Variants in LINGO2 observed in about 807,000 individuals in gnomAD.
LINGO2 encodes the protein leucine rich repeat and Ig domain containing 2.
A neutral mutation model predicts 30.6 loss-of-function variants in LINGO2; 14 were observed. That is an observed-to-expected ratio of 0.46 (90% CI 0.30 to 0.72). LINGO2 has a LOEUF of 0.72. LINGO2 is among the 30% of genes least tolerant of loss of function. The probability of loss-of-function intolerance (pLI) is 0.07; values close to 1 mark genes in which losing one functional copy is unlikely to be tolerated. For missense variants in LINGO2, 729 were observed against 751.7 expected, an observed-to-expected ratio of 0.97 and a Z score of 0.35; for synonymous variants, 317 against 288.5, an observed-to-expected ratio of 1.10 and a Z score of -1.00.
In LINGO2 at chr9:28,054,755, CATATT is replaced by C. The variant is rs561579759; in HGVS notation, c.-86-42355_-86-42351del. 1.1e-4 allele frequency among the ~76,000 whole-genome samples: 16 copies of C among 152,026 alleles called. No individual in the cohort carries two copies. In the South Asian group the frequency reaches 1.5e-3, roughly 14 times the overall value. The stretch of plus-strand genomic sequence containing the variant: ...AGCTTATATTGATATCCACAAATAC[CATATT>C]ATAAGTGATCATATTCCAGGCTATA... On this transcript the variant is annotated intron_variant, in intron 4 of 5. Coordinates refer to ENST00000379992, the Ensembl canonical transcript of LINGO2.
intron 2 of LINGO2, among the ~76,000 whole-genome samples, chr9:28,427,962 T>C (rs1341992595): frequency 6.6e-6 from 1 of 152,158 alleles, no homozygotes; most frequent in Non-Finnish European, 1.5e-5. Context: ...ATTCTAGATC[T>C]TATTCTTTAT....
At chr9:28,855,284 G>C in the LINGO2 span, among the ~76,000 whole-genome samples, 1 of 152,012 alleles carries the variant, frequency 6.6e-6, no homozygotes, top group Non-Finnish European at 1.5e-5. Flanking sequence ...CAGTCCTTAG[G>C]ATAGGATTTA....
chr9:28,120,041 C>T (rs1353118654), intron 4 of LINGO2, among the ~76,000 whole-genome samples: 3 of 152,164 alleles, frequency 2.0e-5, no homozygotes, highest in Non-Finnish European at 4.4e-5. Flanking sequence ...ATGAGCTATA[C>T]TTAAATTTCA....
the LINGO2 span, among the ~76,000 whole-genome samples, chr9:28,734,920 A>G: frequency 2.6e-5 from 4 of 152,150 alleles, no homozygotes; most frequent in African/African-American, 9.7e-5. Flanking sequence ...TGTAGAGACT[A>G]TTTCAATCAG....
At chr9:28,611,543 C>T (rs1825915320) in intron 1 of LINGO2, among the ~76,000 whole-genome samples, 2 of 152,114 alleles carry the variant, frequency 1.3e-5, no homozygotes, top group African/African-American at 4.8e-5. Flanking sequence ...CTCTAATTTT[C>T]ACACCCGATC....
the LINGO2 span, among the ~76,000 whole-genome samples, chr9:29,132,586 G>A: frequency 6.6e-6 from 1 of 152,158 alleles, no homozygotes; most frequent in Non-Finnish European, 1.5e-5. Flanking sequence ...CAGCGTTCTT[G>A]TGTCACTTGC....
chr9:29,167,731 C>G, the LINGO2 span, among the ~76,000 whole-genome samples: 2 of 152,130 alleles, frequency 1.3e-5, no homozygotes, highest in Non-Finnish European at 2.9e-5. Context: ...GGTGTCTTAC[C>G]TTGTATCTCA....
At chr9:28,382,601 A>G (rs1357306502) in intron 2 of LINGO2, among the ~76,000 whole-genome samples, 1 of 152,132 alleles carries the variant, frequency 6.6e-6, no homozygotes, top group Non-Finnish European at 1.5e-5. Flanking sequence ...TGCAGTCTGC[A>G]GCTCTTCAAC....
At chr9:28,707,755 T>C in the LINGO2 span, among the ~76,000 whole-genome samples, 1 of 152,148 alleles carries the variant, frequency 6.6e-6, no homozygotes. Context: ...TCAGTATTTA[T>C]TGTCGGGGTG....
chr9:28,393,998 CT>C (rs11326008), intron 2 of LINGO2, among the ~76,000 whole-genome samples: 87,549 of 150,942 alleles, frequency 0.58, 25,720 homozygotes, highest in Non-Finnish European at 0.63. Context: ...GTACTAACCT[CT>C]TTTTTTTTTC....
intron 5 of LINGO2, among the ~76,000 whole-genome samples, chr9:27,967,260 G>A (rs10968234): frequency 0.023 from 3,519 of 152,202 alleles, 139 homozygotes; most frequent in African/African-American, 0.081. Context: ...GACATCGAGG[G>A]ACTTGGGCTT....
At chr9:28,708,944 T>C in the LINGO2 span, among the ~76,000 whole-genome samples, 1 of 152,162 alleles carries the variant, frequency 6.6e-6, no homozygotes, top group Admixed American at 6.6e-5. Flanking sequence ...AAACAATGTA[T>C]CTTTGTCAAA....
chr9:28,932,107 A>AATAATAAAATAAAAT, the LINGO2 span, among the ~76,000 whole-genome samples: 1 of 107,564 alleles, frequency 9.3e-6, no homozygotes, highest in African/African-American at 3.6e-5. Flanking sequence ...ACTCTGACAA[A>AATAATAAAATAAAAT]AAAATAAAAT....
At chr9:28,717,439 G>T in the LINGO2 span, among the ~76,000 whole-genome samples, 1 of 151,930 alleles carries the variant, frequency 6.6e-6, no homozygotes, top group Non-Finnish European at 1.5e-5. Context: ...AATTTGGTAG[G>T]GGTGAGGTAA....
chr9:28,012,216 C>G (rs981941551), intron 5 of LINGO2: 1 of 151,800 alleles, frequency 6.6e-6, no homozygotes, highest in African/African-American at 2.4e-5. Context: ...GAAAGGGAAA[C>G]TGAGAAGCAT....
At chr9:28,479,036 T>C (rs899402872) in intron 1 of LINGO2, among the ~76,000 whole-genome samples, 1 of 152,070 alleles carries the variant, frequency 6.6e-6, no homozygotes, top group Non-Finnish European at 1.5e-5. Context: ...TATGTACTTA[T>C]GTTATTTCAT....
At chr9:28,848,393 GTGTGTATATA>G in the LINGO2 span, among the ~76,000 whole-genome samples, 11,452 of 66,350 alleles carry the variant, frequency 0.17, 916 homozygotes, top group Admixed American at 0.25. Context: ...GTGTGTGTGT[GTGTGTATATA>G]TATATATATA....
chr9:28,494,774 A>T (rs1233660911), intron 1 of LINGO2, among the ~76,000 whole-genome samples: 1 of 152,186 alleles, frequency 6.6e-6, no homozygotes, highest in Non-Finnish European at 1.5e-5. Flanking sequence ...CTAGTTCTAG[A>T]TCCTTGAGGA....
intron 1 of LINGO2, among the ~76,000 whole-genome samples, chr9:28,574,384 A>G (rs867606353): frequency 2.0e-5 from 3 of 152,174 alleles, no homozygotes; most frequent in South Asian, 4.1e-4. Flanking sequence ...AATCTCAGCC[A>G]TTTGTTTCCA....
Sources: gnomAD v4.1 joint callset for allele counts (sites outside exome capture counted in the v4.1 genomes callset) on GRCh38, gnomAD v4.1.1 for gene constraint, MANE v1.5 for transcripts, NCBI Gene and HGNC (gene_info 2026-07-23, HGNC 2026-07-21) for gene names.